SHC4: variants seen among roughly 807,000 people sequenced by gnomAD.
The protein encoded by SHC4 is SHC-transforming protein 4.
Under a neutral mutation model 69.4 loss-of-function variants are expected in SHC4, and 41 were observed. The observed-to-expected ratio is 0.59, with a 90% CI of 0.46 to 0.77. The LOEUF is 0.77. Ranked by LOEUF, SHC4 falls within the 30% of genes least tolerant of loss-of-function variation. The pLI is 0.00. For missense variants in SHC4, 777 were observed against 783.8 expected, an observed-to-expected ratio of 0.99 and a Z score of 0.10; for synonymous variants, 318 against 299.3, an observed-to-expected ratio of 1.06 and a Z score of -0.64.
intron 1 of SHC4, among the ~76,000 whole-genome samples, chr15:48,941,997 A>G (rs2141034227): frequency 6.6e-6 from 1 of 152,282 alleles, no homozygotes; most frequent in South Asian, 2.1e-4. Flanking sequence ...AACATGCAGT[A>G]TTTGAGTCAT....
chr15:48,950,687 G>GT (rs1901351801), intron 1 of SHC4, among the ~76,000 whole-genome samples: 1 of 152,182 alleles, frequency 6.6e-6, no homozygotes, highest in East Asian at 1.9e-4. Context: ...AGAGGAGGCT[G>GT]CGTGCAGCAA....
At chr15:48,849,981 T>A (rs1218419766) in intron 9 of SHC4, among the ~76,000 whole-genome samples, 1 of 152,148 alleles carries the variant, frequency 6.6e-6, no homozygotes, top group Non-Finnish European at 1.5e-5. Flanking sequence ...GGCAGGTGGA[T>A]CACTTGAGGT....
intron 6 of SHC4, among the ~76,000 whole-genome samples, chr15:48,863,484 T>TAA (rs397784359): frequency 6.6e-6 from 1 of 151,840 alleles, no homozygotes; most frequent in Non-Finnish European, 1.5e-5. Context: ...AATACTAAAT[T>TAA]TTGTCTTATG....
chr15:48,918,708 G>A (rs1416211338), intron 2 of SHC4, among the ~76,000 whole-genome samples: 3 of 152,152 alleles, frequency 2.0e-5, no homozygotes, highest in Non-Finnish European at 2.9e-5. Context: ...AGAAAAAAAT[G>A]TGAAAGTAAT....
chr15:48,952,437 A>G (rs959218557), intron 1 of SHC4, among the ~76,000 whole-genome samples: 2 of 152,200 alleles, frequency 1.3e-5, no homozygotes, highest in Admixed American at 6.5e-5. Context: ...GTAGGATACC[A>G]TGATTAAGAT....
intron 4 of SHC4, among the ~76,000 whole-genome samples, chr15:48,883,027 TACTGCTTAA>T (rs1435684416): frequency 2.6e-5 from 4 of 152,328 alleles, no homozygotes; most frequent in African/African-American, 9.6e-5. Context: ...TGTTGTATAC[TACTGCTTAA>T]ACAGTGTATT....
At chr15:48,902,128 G>A (rs542576983) in intron 2 of SHC4, among the ~76,000 whole-genome samples, 8 of 151,530 alleles carry the variant, frequency 5.3e-5, no homozygotes, top group Non-Finnish European at 8.8e-5. Context: ...GCTTGAGCCC[G>A]GGAGGTTAAG....
chr15:48,891,506 C>G (rs918246310), intron 2 of SHC4, among the ~76,000 whole-genome samples: 2 of 152,202 alleles, frequency 1.3e-5, no homozygotes, highest in Non-Finnish European at 2.9e-5. Context: ...CCCTCCTTTC[C>G]AGAAATGCAG....
chr15:48,897,619 C>A (rs1900246370), intron 2 of SHC4, among the ~76,000 whole-genome samples: 2 of 148,704 alleles, frequency 1.3e-5, no homozygotes, highest in Admixed American at 1.4e-4. Flanking sequence ...AGAGGCTGCG[C>A]GGCAGATTTT....
chr15:48,939,907 C>G (rs757180065), intron 1 of SHC4, among the ~76,000 whole-genome samples: 15 of 152,236 alleles, frequency 9.9e-5, no homozygotes, highest in Admixed American at 2.0e-4. Flanking sequence ...GCTGTGCAGA[C>G]AAAGCTAATC....
intron 2 of SHC4, among the ~76,000 whole-genome samples, chr15:48,904,580 G>A (rs748879818): frequency 1.3e-5 from 2 of 151,986 alleles, no homozygotes; most frequent in Non-Finnish European, 2.9e-5. Context: ...TTATTCCTTT[G>A]TTCAAAAATA....
At chr15:48,914,850 A>C (rs1900586526) in intron 2 of SHC4, among the ~76,000 whole-genome samples, 1 of 152,312 alleles carries the variant, frequency 6.6e-6, no homozygotes, top group South Asian at 2.1e-4. Flanking sequence ...ACCGCCATCC[A>C]TCTCCAGAAC....
chr15:48,923,452 AG>A (rs1251730716), intron 2 of SHC4, among the ~76,000 whole-genome samples: 1 of 149,102 alleles, frequency 6.7e-6, no homozygotes, highest in Non-Finnish European at 1.5e-5. Context: ...CAGGAGGCGG[AG>A]GCAGGAGAAT....
At chr15:48,853,494 G>T (rs1899255624) in intron 8 of SHC4, among the ~76,000 whole-genome samples, 1 of 152,026 alleles carries the variant, frequency 6.6e-6, no homozygotes, top group African/African-American at 2.4e-5. Flanking sequence ...AAAACAGTTG[G>T]TTCATATGGA....
At chr15:48,873,149 GCAA>G (rs1306734251) in intron 4 of SHC4, among the ~76,000 whole-genome samples, 1 of 152,056 alleles carries the variant, frequency 6.6e-6, no homozygotes, top group Admixed American at 6.5e-5. Context: ...CTATATAGCA[GCAA>G]CATGTTTGCT....
chr15:48,886,456 G>T (rs1354599947), intron 3 of SHC4, among the ~76,000 whole-genome samples: 1 of 152,068 alleles, frequency 6.6e-6, no homozygotes, highest in Non-Finnish European at 1.5e-5. Flanking sequence ...CATTAGAAAT[G>T]TCCTAACAGT....
At chr15:48,864,738 C>T (rs1168757024) in intron 6 of SHC4, among the ~76,000 whole-genome samples, 3 of 152,086 alleles carry the variant, frequency 2.0e-5, no homozygotes, top group African/African-American at 2.4e-5. Flanking sequence ...TGAGCCACCG[C>T]GCCCGGCCTC....
At chr15:48,938,161 A>G (rs577684852) in intron 1 of SHC4, 1 of 152,320 alleles carries the variant, frequency 6.6e-6, no homozygotes, top group South Asian at 2.1e-4. Flanking sequence ...GAGAATTGGA[A>G]TACTGGCTTG....
chr15:48,960,860 G>A (rs977977603), intron 1 of SHC4, among the ~76,000 whole-genome samples: 33 of 152,192 alleles, frequency 2.2e-4, no homozygotes, highest in African/African-American at 6.7e-4. Flanking sequence ...ATGTCATTCT[G>A]AGACTTCAAT....
Sources: allele counts gnomAD v4.1 joint callset (sites outside exome capture counted in the v4.1 genomes callset), GRCh38; gene constraint gnomAD v4.1.1; transcripts MANE v1.5; gene names NCBI Gene and HGNC (gene_info 2026-07-23, HGNC 2026-07-21).